Variants in NAALADL2 observed in about 807,000 individuals in gnomAD.
NAALADL2 encodes the protein inactive N-acetylated-alpha-linked acidic dipeptidase-like protein 2.
A neutral mutation model predicts 87.2 loss-of-function variants in NAALADL2; 76 were observed. The observed-to-expected ratio is 0.87, with a 90% CI of 0.72 to 1.05. The LOEUF (loss-of-function observed/expected upper bound fraction) is 1.05. Among genes scored for constraint, NAALADL2 ranks in the 50% least tolerant of loss-of-function variants. The pLI is 0.00. For synonymous variants in NAALADL2, 354 were observed against 331.0 expected (o/e 1.07, Z -0.75); for missense variants, 1,089 against 945.8 (o/e 1.15, Z -1.99).
intron 1 of NAALADL2, among the ~76,000 whole-genome samples, chr3:174,513,898 C>T (rs1323248845): frequency 3.3e-5 from 5 of 152,236 alleles, no homozygotes; most frequent in Non-Finnish European, 4.4e-5. Context: ...CTTCCTTCAG[C>T]GTCATGTCTT....
intron 1 of NAALADL2, among the ~76,000 whole-genome samples, chr3:175,075,758 C>T (rs1017199453): frequency 6.6e-6 from 1 of 152,092 alleles, no homozygotes; most frequent in African/African-American, 2.4e-5. Flanking sequence ...CAAGTTAATG[C>T]ATGCACAAAC....
At chr3:175,551,125 A>G (rs78200875) in intron 9 of NAALADL2, among the ~76,000 whole-genome samples, 2,280 of 151,760 alleles carry the variant, frequency 0.015, 54 homozygotes, top group African/African-American at 0.05. Context: ...GAATTTTCTT[A>G]ATGGAACATT....
chr3:175,469,757 A>G (rs1724595137), intron 8 of NAALADL2, among the ~76,000 whole-genome samples: 1 of 152,036 alleles, frequency 6.6e-6, no homozygotes, highest in Non-Finnish European at 1.5e-5. Context: ...TAACTTCCCT[A>G]AGACTTGATT....
At chr3:175,722,035 A>G (rs546182591) in intron 11 of NAALADL2, among the ~76,000 whole-genome samples, 1 of 152,148 alleles carries the variant, frequency 6.6e-6, no homozygotes, top group South Asian at 2.1e-4. Flanking sequence ...CCCACACACC[A>G]TCAATTTGGA....
intron 2 of NAALADL2, among the ~76,000 whole-genome samples, chr3:174,636,788 C>T (rs652883): frequency 0.27 from 40,727 of 151,814 alleles, 5,858 homozygotes; most frequent in East Asian, 0.43. Context: ...AAAAATAGAA[C>T]GATCATGTGA....
chr3:175,764,408 T>TA (rs1304934976), intron 13 of NAALADL2, among the ~76,000 whole-genome samples: 1 of 151,458 alleles, frequency 6.6e-6, no homozygotes, highest in Non-Finnish European at 1.5e-5. Context: ...GTGCATGCCT[T>TA]TGTGTGTCTC....
intron 2 of NAALADL2, among the ~76,000 whole-genome samples, chr3:175,175,209 T>C (rs923936375): frequency 6.6e-6 from 1 of 152,066 alleles, no homozygotes; most frequent in Non-Finnish European, 1.5e-5. Flanking sequence ...GAAATGATCA[T>C]GCTTTGTAAA....
chr3:175,601,919 C>G (rs1299749965), intron 10 of NAALADL2, among the ~76,000 whole-genome samples: 1 of 152,114 alleles, frequency 6.6e-6, no homozygotes, highest in Non-Finnish European at 1.5e-5. Flanking sequence ...CAGAATTAAG[C>G]TGCGTGCTTC....
chr3:175,115,414 A>G (rs1724948468), intron 2 of NAALADL2, among the ~76,000 whole-genome samples: 1 of 95,626 alleles, frequency 1.0e-5, no homozygotes, highest in Non-Finnish European at 2.1e-5. Flanking sequence ...GCATATATAT[A>G]AACTTAATTT....
At chr3:175,231,761 T>C (rs1266730036) in intron 2 of NAALADL2, among the ~76,000 whole-genome samples, 2 of 152,148 alleles carry the variant, frequency 1.3e-5, no homozygotes, top group Non-Finnish European at 2.9e-5. Flanking sequence ...TACTGATATA[T>C]TGCTATGTTT....
intron 12 of NAALADL2, among the ~76,000 whole-genome samples, chr3:175,743,052 G>A: frequency 6.6e-6 from 1 of 151,644 alleles, no homozygotes; most frequent in East Asian, 2.0e-4. Flanking sequence ...CTGGAGTGCA[G>A]TGGTGCTGCG....
intron 12 of NAALADL2, among the ~76,000 whole-genome samples, chr3:175,746,452 A>C (rs2150111475): frequency 6.6e-6 from 1 of 152,024 alleles, no homozygotes; most frequent in African/African-American, 2.4e-5. Flanking sequence ...TCTATTTCTC[A>C]GCCCATCTGT....
intron 13 of NAALADL2, among the ~76,000 whole-genome samples, chr3:175,778,064 AAAT>A (rs1021562019): frequency 7.2e-5 from 11 of 152,146 alleles, no homozygotes; most frequent in African/African-American, 2.4e-4. Context: ...ACACCTTTTA[AAAT>A]AATCTTTCTT....
At chr3:174,845,306 G>T (rs1293083203) in intron 3 of NAALADL2, among the ~76,000 whole-genome samples, 6 of 152,156 alleles carry the variant, frequency 3.9e-5, no homozygotes, top group Non-Finnish European at 8.8e-5. Flanking sequence ...CCACCTCTGG[G>T]CTGGCTCTCC....
intron 2 of NAALADL2, among the ~76,000 whole-genome samples, chr3:174,553,343 T>C (rs1417855232): frequency 6.6e-6 from 1 of 152,174 alleles, no homozygotes; most frequent in Non-Finnish European, 1.5e-5. Flanking sequence ...CTAAAAGGTG[T>C]TAATAGTTTA....
chr3:175,234,911 A>G (rs1745565753), intron 3 of NAALADL2: 1 of 152,168 alleles, frequency 6.6e-6, no homozygotes, highest in Non-Finnish European at 1.5e-5. Flanking sequence ...AAAAAATTAC[A>G]AATATATGTA....
intron 11 of NAALADL2, among the ~76,000 whole-genome samples, chr3:175,637,245 T>A (rs1387986161): frequency 6.6e-6 from 1 of 152,254 alleles, no homozygotes; most frequent in South Asian, 2.1e-4. Context: ...ATGTTTGATA[T>A]ATGGCATGGC....
intron 11 of NAALADL2, among the ~76,000 whole-genome samples, chr3:175,678,177 C>T (rs576687075): frequency 1.3e-5 from 2 of 152,238 alleles, no homozygotes; most frequent in East Asian, 3.9e-4. Context: ...AAAATACAAA[C>T]AGGAATATCT....
At chr3:175,488,200 T>C (rs1439509831) in intron 9 of NAALADL2, among the ~76,000 whole-genome samples, 1 of 152,242 alleles carries the variant, frequency 6.6e-6, no homozygotes, top group Non-Finnish European at 1.5e-5. Flanking sequence ...TTTCTCTTGT[T>C]ATTCTTTCAA....
Sources: gnomAD v4.1 joint callset for allele counts (sites outside exome capture counted in the v4.1 genomes callset) on GRCh38, gnomAD v4.1.1 for gene constraint, MANE v1.5 for transcripts, NCBI Gene and HGNC (gene_info 2026-07-23, HGNC 2026-07-21) for gene names.